CMIP: variants seen among roughly 807,000 people sequenced by gnomAD.
CMIP encodes the protein c-Maf inducing protein, also known as C-Maf-inducing protein.
Under a neutral mutation model 97.3 loss-of-function variants are expected in CMIP, and 13 were observed. That is an observed-to-expected ratio of 0.13 (90% confidence interval 0.09 to 0.21). The LOEUF is 0.21. Among genes scored for constraint, CMIP ranks in the 10% least tolerant of loss-of-function variants. CMIP has a pLI of 1.00. For synonymous variants in CMIP, 538 were observed against 436.3 expected (o/e 1.23, Z -2.91); for missense variants, 847 against 1,024.9 (o/e 0.83, Z 2.37).
At chr16:81,688,494 C>T (rs1490519512) in intron 10 of CMIP, among the ~76,000 whole-genome samples, 1 of 152,166 alleles carries the variant, frequency 6.6e-6, no homozygotes, top group Non-Finnish European at 1.5e-5. Flanking sequence ...GCCTCCAGTT[C>T]GTCATCTGTT....
intron 1 of CMIP, among the ~76,000 whole-genome samples, chr16:81,588,068 C>T (rs917430763): frequency 2.0e-5 from 3 of 152,290 alleles, no homozygotes; most frequent in African/African-American, 7.2e-5. Flanking sequence ...TTATACCCTG[C>T]CTGCCTCCAA....
At chr16:81,448,954 T>C (rs951281371) in intron 1 of CMIP, among the ~76,000 whole-genome samples, 1 of 152,220 alleles carries the variant, frequency 6.6e-6, no homozygotes, top group Non-Finnish European at 1.5e-5. Context: ...TGGTTGTAAA[T>C]GACAGCCAGG....
rs200689970 is a variant in CMIP at position 81,668,920 on chromosome 16, ACACT to A, written c.826-1218_826-1215del. Among the ~76,000 whole-genome samples the A allele has an allele frequency of 7.9e-3, 691 of 87,680 alleles. 12 individuals are homozygous for A. Among genetic ancestry groups the A allele is most frequent in the African/African-American group, 0.027 (614 of 22,474 alleles). The allele number at this position is 87,680 out of a possible 152,430, so 57.5% of individuals were successfully genotyped here. The stretch of plus-strand genomic sequence containing the variant: ...ACCTCACACCTTCCACACCCACCTC[ACACT>A]CACGGCCTTCCACACCCACCTCACA... On this transcript the variant is annotated intron_variant, in intron 7 of 20. Coordinates refer to ENST00000537098, the MANE Select transcript of CMIP (RefSeq NM_198390.3).
chr16:81,476,556 T>G, intron 1 of CMIP: 1 of 576,738 alleles, frequency 1.7e-6, no homozygotes, highest in Non-Finnish European at 3.2e-6. Context: ...CGCCGGTGTC[T>G]GCAGAGTGGC....
At chr16:81,629,156 A>AAAAAAAAG (rs2092118330) in intron 3 of CMIP, among the ~76,000 whole-genome samples, 2 of 150,116 alleles carry the variant, frequency 1.3e-5, no homozygotes, top group African/African-American at 4.9e-5. Context: ...AAAAAAAAAA[A>AAAAAAAAG]AAAAAAAAAA....
At chr16:81,450,147 A>C (rs1478887150) in intron 1 of CMIP, among the ~76,000 whole-genome samples, 1 of 152,190 alleles carries the variant, frequency 6.6e-6, no homozygotes, top group East Asian at 1.9e-4. Context: ...GTAGAAGGCA[A>C]AGCTGTCCCA....
intron 1 of CMIP, among the ~76,000 whole-genome samples, chr16:81,580,133 C>A (rs967378719): frequency 1.3e-5 from 2 of 152,200 alleles, no homozygotes; most frequent in African/African-American, 4.8e-5. Context: ...GGTTTCCTAA[C>A]CTGCTTAGCT....
intron 3 of CMIP, among the ~76,000 whole-genome samples, chr16:81,640,217 G>A (rs929860462): frequency 2.6e-5 from 4 of 152,034 alleles, no homozygotes; most frequent in African/African-American, 7.3e-5. Flanking sequence ...TAATGGGCTG[G>A]AGGCGGGCCT....
In CMIP at chr16:81,709,780, G is replaced by A; in HGVS notation, c.2303G>A (p.Arg768His). Residue 768 changes from arginine to histidine, a missense_variant, in exon 21 of 21, where the codon CGC (arginine) becomes CAC (histidine). Arg to His is a conservative substitution (Grantham distance 29). Transcript: ENST00000537098. ...KLPNLKEVDV[R>H]YTEAW ...CCCAATTTGAAGGAAGTGGACGTCC[G>A]CTACACCGAAGCCTGGTGAAGCTCC... 6.2e-7 allele frequency: 1 copy of A among 1,613,916 alleles called. No homozygotes were observed. The highest frequency in any genetic ancestry group is 8.5e-7 in the Non-Finnish European group (1 of 1,179,842).
At chr16:81,640,292 C>A (rs1020441028) in intron 3 of CMIP, among the ~76,000 whole-genome samples, 3 of 151,088 alleles carry the variant, frequency 2.0e-5, no homozygotes, top group East Asian at 1.9e-4. Flanking sequence ...TCAGGCCCCC[C>A]CCCCCCCAAT....
At chr16:81,603,547 C>A in intron 1 of CMIP, 4 of 430,318 alleles carry the variant, frequency 9.3e-6, no homozygotes, top group South Asian at 6.5e-5. Context: ...AATATTGATA[C>A]ATGATTGCCG....
At chr16:81,704,139 ACT>A in intron 18 of CMIP, 54 bp downstream of exon 18, 1 of 1,451,728 alleles carries the variant, frequency 6.9e-7, no homozygotes, top group Non-Finnish European at 9.2e-7. Context: ...TCACCTCTGC[ACT>A]CTCCTCCCTA....
At chr16:81,455,027 G>T (rs1035079810) in intron 1 of CMIP, among the ~76,000 whole-genome samples, 1 of 152,244 alleles carries the variant, frequency 6.6e-6, no homozygotes. Context: ...AGGAATTAAA[G>T]ATAGAGGTGG....
chr16:81,463,092 C>G (rs1413712990), intron 1 of CMIP, among the ~76,000 whole-genome samples: 1 of 152,126 alleles, frequency 6.6e-6, no homozygotes, highest in African/African-American at 2.4e-5. Flanking sequence ...GAGCAGTGGA[C>G]GATGAGTGCA....
intron 1 of CMIP, among the ~76,000 whole-genome samples, chr16:81,573,007 C>T (rs181943547): frequency 4.0e-4 from 61 of 152,284 alleles, no homozygotes; most frequent in African/African-American, 1.3e-3. Flanking sequence ...AATGAAATGA[C>T]CTCTGGTCCC....
chr16:81,520,681 A>T (rs1031890067), intron 1 of CMIP: 1 of 152,166 alleles, frequency 6.6e-6, no homozygotes, highest in African/African-American at 2.4e-5. Flanking sequence ...GGAACTTGGC[A>T]TTGGATATAA....
chr16:81,463,356 G>A (rs1190792249), intron 1 of CMIP, among the ~76,000 whole-genome samples: 1 of 152,176 alleles, frequency 6.6e-6, no homozygotes, highest in Non-Finnish European at 1.5e-5. Flanking sequence ...TTTAGACATG[G>A]AATTTTTCTG....
intron 1 of CMIP, among the ~76,000 whole-genome samples, chr16:81,501,291 G>A (rs933700983): frequency 6.6e-6 from 1 of 152,226 alleles, no homozygotes; most frequent in Non-Finnish European, 1.5e-5. Context: ...TGTGACGCAC[G>A]GGCAGCAAAT....
chr16:81,494,674 CAT>C (rs139021084), intron 1 of CMIP, among the ~76,000 whole-genome samples: 3,394 of 152,306 alleles, frequency 0.022, 130 homozygotes, highest in African/African-American at 0.078. Flanking sequence ...CACAGCAGGA[CAT>C]GGTAGCTGGG....
Sources: gnomAD v4.1 joint callset for allele counts (sites outside exome capture counted in the v4.1 genomes callset) on GRCh38, gnomAD v4.1.1 for gene constraint, MANE v1.5 for transcripts, NCBI Gene and HGNC (gene_info 2026-07-23, HGNC 2026-07-21) for gene names.